Variants in ASDURF observed in about 807,000 individuals in gnomAD.
ASDURF encodes the protein ASDURF protein.
Under a neutral mutation model 3.3 loss-of-function variants are expected in ASDURF, and 3 were observed. The observed-to-expected ratio is 0.92, with a 90% CI of 0.42 to 2.37. ASDURF has a LOEUF of 2.37. Among genes scored for constraint, ASDURF ranks in the 30% most tolerant of loss-of-function variants. The pLI, the probability that ASDURF is intolerant of heterozygous loss-of-function variation, is 0.05. For missense variants in ASDURF, 23 were observed against 25.4 expected, an observed-to-expected ratio of 0.90 and a Z score of 0.21; for synonymous variants, 11 against 8.3, an observed-to-expected ratio of 1.32 and a Z score of -0.55.
intron 1 of ASDURF, 39 bp downstream of exon 1, chr2:189,661,649 G>A (rs1255216820): frequency 2.5e-6 from 1 of 399,214 alleles, no homozygotes; most frequent in African/African-American, 2.1e-5. Context: ...CTGGACTCGG[G>A]ACCGGGCGCC....
chr2:189,664,641 C>T (rs1434013224), intron 2 of ASDURF, among the ~76,000 whole-genome samples: 2 of 152,030 alleles, frequency 1.3e-5, no homozygotes, highest in Non-Finnish European at 2.9e-5. Flanking sequence ...CCCAGCTACT[C>T]AGGAGGCCGA....
At chr2:189,661,783 G>A (rs1385610647) in intron 1 of ASDURF, among the ~76,000 whole-genome samples, 173 bp downstream of exon 1, 1 of 152,190 alleles carries the variant, frequency 6.6e-6, no homozygotes, top group Non-Finnish European at 1.5e-5. Context: ...TTTATTTTCT[G>A]AAAACAGTTG....
rs184060419 is a variant in ASDURF at position 189,666,109 on chromosome 2, T to C, written c.289T>C (p.Ter97GlnextTer3). ...CTTAGACAAGACCAAAATCAAGAAA[T>C]AGTCAACCTGATTTCACATAACAAT... ...ENLDKTKIKK* is the reference protein window; with the variant it reads ...ENLDKTKIKKQ Residue 97 changes from the stop codon to glutamine (Q), a stop_lost, in exon 4 of 4, where the codon TAG (stop) becomes CAG (glutamine). Transcript: ENST00000607829. The C allele has an allele frequency of 2.8e-4, 417 of 1,501,120 alleles. 11 individuals are homozygous for C. The Admixed American group carries it at 9.9e-3, about 35-fold the overall frequency. The allele number at this position is 1,501,120 out of a possible 1,614,324, so 93.0% of individuals were successfully genotyped here. A position where few individuals can be genotyped will look rare whatever the true frequency, so the allele number is the denominator to read the frequency against.
intron 1 of ASDURF, among the ~76,000 whole-genome samples, chr2:189,662,948 CAAAAAAAA>C (rs67898532): frequency 7.8e-5 from 6 of 77,004 alleles, no homozygotes; most frequent in Non-Finnish European, 1.5e-4. Context: ...GACCCTGTTT[CAAAAAAAA>C]AAAAAAAAAA....
intron 1 of ASDURF, among the ~76,000 whole-genome samples, chr2:189,662,516 T>C (rs2032691014): frequency 6.6e-6 from 1 of 152,210 alleles, no homozygotes; most frequent in South Asian, 2.1e-4. Flanking sequence ...ACCTCATTAC[T>C]ACAGCTCTGC....
rs560361089 is a variant in ASDURF at position 189,662,418 on chromosome 2, A to T, written c.90+808A>T. Among the ~76,000 whole-genome samples, 3 of 152,336 alleles carry T rather than the reference A, an allele frequency of 2.0e-5. No homozygotes were observed. In the East Asian group the frequency reaches 5.8e-4, roughly 29 times the overall value. On this transcript the variant is annotated intron_variant, in intron 1 of 3. Coordinates refer to ENST00000607829, the MANE Select transcript of ASDURF (RefSeq NM_001353493.2). ...CAGTTACCTTCTTTGAAGTAAAGTG[A>T]AATGTACACCTGTCATTCCTAAAAT... is the stretch of plus-strand genomic sequence containing the variant.
At chr2:189,662,137 A>T (rs1390444028) in intron 1 of ASDURF, among the ~76,000 whole-genome samples, 1 of 152,012 alleles carries the variant, frequency 6.6e-6, no homozygotes. Context: ...CTCCTCATCC[A>T]CCTGTTAGCT....
intron 2 of ASDURF, among the ~76,000 whole-genome samples, chr2:189,664,759 A>G (rs2032746686): frequency 6.6e-6 from 1 of 152,152 alleles, no homozygotes; most frequent in Admixed American, 6.5e-5. Flanking sequence ...AAAAAAAAAA[A>G]AGAAGTTGAG....
chr2:189,666,031 C>T lies in ASDURF; in HGVS notation c.221-10C>T. ...TGTTATTTAATATTTATTCTCCTTC[C>T]CTGCAACAGATATATTGGATGAACT... On this transcript the variant is annotated splice_polypyrimidine_tract_variant and intron_variant, in intron 3 of 3. Transcript: ENST00000607829. 1.6e-6 allele frequency: 2 copies of T among 1,256,206 alleles called. No homozygotes were observed. Among genetic ancestry groups the T allele is most frequent in the South Asian group, 1.7e-5 (1 of 57,966 alleles). The allele number at this position is 1,256,206 out of a possible 1,614,324, so 77.8% of individuals were successfully genotyped here.
At chr2:189,663,590 C>T (rs1483061868) in intron 1 of ASDURF, among the ~76,000 whole-genome samples, 1 of 152,166 alleles carries the variant, frequency 6.6e-6, no homozygotes, top group Non-Finnish European at 1.5e-5. Context: ...AGGTATAAAC[C>T]TTGTTTAGTA....
chr2:189,662,948 C>CA (rs67898532), intron 1 of ASDURF, among the ~76,000 whole-genome samples: 3,751 of 76,774 alleles, frequency 0.049, 305 homozygotes, highest in African/African-American at 0.18. Flanking sequence ...GACCCTGTTT[C>CA]AAAAAAAAAA....
chr2:189,666,093 G>A lies in ASDURF; in HGVS notation c.273G>A (p.Lys91=). 1 of 1,494,628 alleles carries A rather than the reference G, an allele frequency of 6.7e-7. No individual in the cohort carries two copies. The highest frequency in any genetic ancestry group is 8.9e-7 in the Non-Finnish European group (1 of 1,125,444). 92.6% of individuals were successfully genotyped at this position (1,494,628 alleles called of 1,614,324 possible). Residue 91 remains lysine, a synonymous_variant, in exon 4 of 4, where the codon AAG becomes AAA. Coordinates refer to ENST00000607829, the MANE Select transcript of ASDURF (RefSeq NM_001353493.2). ...KEYQEIENLD[K]TKIKK is the part of the protein sequence containing the mutation. ...ACCAAGAAATAGAAAACTTAGACAA[G>A]ACCAAAATCAAGAAATAGTCAACCT...
chr2:189,666,283 G>A lies in ASDURF; in HGVS notation c.*172G>A. 6.2e-7 allele frequency: 1 copy of A among 1,614,078 alleles called. No individual in the cohort carries two copies. Among genetic ancestry groups the A allele is most frequent in the African/African-American group, 1.3e-5 (1 of 75,032 alleles). On this transcript the variant is annotated 3_prime_UTR_variant, in exon 4 of 4. Coordinates refer to ENST00000607829, the MANE Select transcript of ASDURF (RefSeq NM_001353493.2). Reference sequence around the variant, plus strand: ...TGTTAACTACCAGTGTTTATTTTCTGCTCACGTCCTACACTTGAGGGGTGT... The same window carrying A: ...TGTTAACTACCAGTGTTTATTTTCTACTCACGTCCTACACTTGAGGGGTGT...
intron 3 of ASDURF, 31 bp from the exon 4 acceptor site, chr2:189,666,010 A>G: frequency 8.9e-7 from 1 of 1,118,838 alleles, no homozygotes; most frequent in African/African-American, 1.6e-5. Flanking sequence ...TTTTTATGTT[A>G]TTTAATATTT....
Position 189,663,245 on chromosome 2 carries a change from T to A in ASDURF, c.91-656T>A, listed in dbSNP as rs549929811. Among the ~76,000 whole-genome samples, 142 of 132,204 alleles carry A rather than the reference T, an allele frequency of 1.1e-3. 1 individual carries two copies. Among genetic ancestry groups the A allele is most frequent in the African/African-American group, 4.3e-3 (134 of 30,950 alleles). The allele number at this position is 132,204 out of a possible 152,430, so 86.7% of individuals were successfully genotyped here. A position where few individuals can be genotyped will look rare whatever the true frequency, so the allele number is the denominator to read the frequency against. ...GTGTATATCATATATATATATTTTT[T>A]AAATTATTTATTTATTTATTTTTTT... On this transcript the variant is annotated intron_variant, in intron 1 of 3. Coordinates refer to ENST00000607829, the MANE Select transcript of ASDURF (RefSeq NM_001353493.2).
At chr2:189,665,213 G>A (rs1043613432) in intron 2 of ASDURF, 163 bp from the exon 3 acceptor site, 4 of 365,300 alleles carry the variant, frequency 1.1e-5, no homozygotes, top group African/African-American at 6.3e-5. Flanking sequence ...GCAATTTCTG[G>A]TAGTTGGGCA....
intron 1 of ASDURF, among the ~76,000 whole-genome samples, chr2:189,663,666 C>T (rs1386921306): frequency 1.3e-5 from 2 of 152,188 alleles, no homozygotes; most frequent in Admixed American, 1.3e-4. Flanking sequence ...TAATGGGTTA[C>T]CTAACATTTT....
At chr2:189,662,433 A>G (rs754672355) in intron 1 of ASDURF, among the ~76,000 whole-genome samples, 3 of 152,202 alleles carry the variant, frequency 2.0e-5, no homozygotes, top group Non-Finnish European at 4.4e-5. Context: ...TACACCTGTC[A>G]TTCCTAAAAT....
At chr2:189,665,608 A>ATATATATACATATATATATATG (rs2032775191) in intron 3 of ASDURF, among the ~76,000 whole-genome samples, 157 bp downstream of exon 3, 7 of 13,382 alleles carry the variant, frequency 5.2e-4, no homozygotes, top group African/African-American at 9.9e-4. Flanking sequence ...GTATATATAT[A>ATATATATACATATATATATATG]TATATATATA....
Sources: allele counts gnomAD v4.1 joint callset (sites outside exome capture counted in the v4.1 genomes callset), GRCh38; gene constraint gnomAD v4.1.1; transcripts MANE v1.5; gene names NCBI Gene and HGNC (gene_info 2026-07-23, HGNC 2026-07-21).